The following TMEM132D variants were observed in gnomAD, a reference collection of about 807,000 sequenced individuals.
TMEM132D encodes the protein mature OL transmembrane protein.
Under a neutral mutation model 62.3 loss-of-function variants are expected in TMEM132D, and 21 were observed. The observed-to-expected ratio is 0.34, with a 90% CI of 0.24 to 0.49. TMEM132D has a LOEUF of 0.49. Among genes scored for constraint, TMEM132D ranks in the 20% least tolerant of loss-of-function variants. The pLI is 0.99. For synonymous variants in TMEM132D, 621 were observed against 575.6 expected, an observed-to-expected ratio of 1.08 and a Z score of -1.13; for missense variants, 1,346 against 1,402.8, an observed-to-expected ratio of 0.96 and a Z score of 0.65.
intron 1 of TMEM132D, among the ~76,000 whole-genome samples, chr12:129,707,826 G>A (rs1163435893): frequency 1.3e-5 from 2 of 152,134 alleles, no homozygotes; most frequent in Non-Finnish European, 2.9e-5. Context: ...GAGCCAGATC[G>A]CTATCCTCAT....
At chr12:129,430,410 G>A (rs755406559) in intron 3 of TMEM132D, among the ~76,000 whole-genome samples, 10 of 152,186 alleles carry the variant, frequency 6.6e-5, no homozygotes, top group East Asian at 1.9e-4. Context: ...CATATCCTTC[G>A]CCCACTTTTT....
chr12:129,897,562 A>C (rs906408217), intron 1 of TMEM132D, among the ~76,000 whole-genome samples: 8 of 152,100 alleles, frequency 5.3e-5, no homozygotes, highest in Non-Finnish European at 1.0e-4. Flanking sequence ...GGGAGGAGGA[A>C]AATAAAAATA....
At chr12:129,511,808 C>G (rs1231808823) in intron 3 of TMEM132D, among the ~76,000 whole-genome samples, 1 of 152,124 alleles carries the variant, frequency 6.6e-6, no homozygotes, top group Non-Finnish European at 1.5e-5. Context: ...ATATTGTTTT[C>G]ACTTTTATCA....
chr12:129,357,338 A>AAAAG (rs1870100733), intron 3 of TMEM132D, among the ~76,000 whole-genome samples: 1 of 150,694 alleles, frequency 6.6e-6, no homozygotes, highest in Non-Finnish European at 1.5e-5. Flanking sequence ...AAAGAAAAAG[A>AAAAG]AAAGAAAGAA....
intron 1 of TMEM132D, among the ~76,000 whole-genome samples, chr12:129,805,144 C>A (rs1871937285): frequency 6.6e-6 from 1 of 151,208 alleles, no homozygotes; most frequent in Non-Finnish European, 1.5e-5. Flanking sequence ...TCAATGTCAT[C>A]CCCATCAAGC....
chr12:129,658,023 C>G (rs1354241994), intron 2 of TMEM132D, among the ~76,000 whole-genome samples: 1 of 152,158 alleles, frequency 6.6e-6, no homozygotes, highest in Non-Finnish European at 1.5e-5. Flanking sequence ...GACAGATGAG[C>G]ATTGAAATCA....
intron 7 of TMEM132D, among the ~76,000 whole-genome samples, chr12:129,080,883 A>C (rs1397034039): frequency 6.6e-6 from 1 of 152,184 alleles, no homozygotes; most frequent in East Asian, 1.9e-4. Context: ...TCAAAACCCA[A>C]GTGTTGCCAC....
chr12:129,565,976 G>A (rs1873726), intron 2 of TMEM132D, among the ~76,000 whole-genome samples: 37,187 of 152,148 alleles, frequency 0.24, 5,892 homozygotes, highest in Non-Finnish European at 0.35. Context: ...TCAAATGCAC[G>A]TCTTTTTACT....
intron 1 of TMEM132D, among the ~76,000 whole-genome samples, chr12:129,712,868 G>A (rs79777418): frequency 0.016 from 2,368 of 152,222 alleles, 72 homozygotes; most frequent in African/African-American, 0.052. Flanking sequence ...CTCAGACTTT[G>A]AGGAGGGAGG....
At chr12:129,315,611 T>C (rs1299745878) in intron 4 of TMEM132D, among the ~76,000 whole-genome samples, 1 of 152,214 alleles carries the variant, frequency 6.6e-6, no homozygotes, top group African/African-American at 2.4e-5. Flanking sequence ...TTTTCTTTTT[T>C]GGTTATGTCC....
chr12:129,497,191 C>A (rs1306287458), intron 3 of TMEM132D, among the ~76,000 whole-genome samples: 2 of 152,106 alleles, frequency 1.3e-5, no homozygotes, highest in Non-Finnish European at 2.9e-5. Context: ...TCCTATAATC[C>A]CAGCTACTTG....
chr12:129,081,039 A>G (rs1313044472), intron 7 of TMEM132D, among the ~76,000 whole-genome samples: 2 of 152,134 alleles, frequency 1.3e-5, no homozygotes, highest in Non-Finnish European at 2.9e-5. Context: ...GGCGGCCACA[A>G]TATCCTGAAG....
chr12:129,899,924 T>C (rs1875296437), intron 1 of TMEM132D, among the ~76,000 whole-genome samples: 1 of 150,930 alleles, frequency 6.6e-6, no homozygotes. Context: ...TCCCAAAAAG[T>C]TCCTGACCCC....
chr12:129,760,803 C>G (rs2137274930), intron 1 of TMEM132D, among the ~76,000 whole-genome samples: 1 of 152,188 alleles, frequency 6.6e-6, no homozygotes, highest in South Asian at 2.1e-4. Context: ...CTAATGCTCT[C>G]CATCCCCTTT....
chr12:129,664,578 C>A (rs1044176232), intron 2 of TMEM132D, among the ~76,000 whole-genome samples: 37 of 152,000 alleles, frequency 2.4e-4, no homozygotes, highest in Middle Eastern at 3.4e-3. Flanking sequence ...GCACCCGCCA[C>A]CACGCCCAGC....
chr12:129,578,573 T>C (rs1415752625), intron 2 of TMEM132D, among the ~76,000 whole-genome samples: 1 of 152,076 alleles, frequency 6.6e-6, no homozygotes, highest in East Asian at 1.9e-4. Context: ...AGATTTATTA[T>C]GCAGTATTGG....
intron 2 of TMEM132D, among the ~76,000 whole-genome samples, chr12:129,608,828 A>C (rs935190118): frequency 2.6e-5 from 4 of 152,148 alleles, no homozygotes; most frequent in African/African-American, 9.7e-5. Context: ...AGCGGTTCTC[A>C]AAGTTCACTC....
At chr12:129,264,890 T>G (rs143932000) in intron 4 of TMEM132D, among the ~76,000 whole-genome samples, 10,684 of 152,044 alleles carry the variant, frequency 0.07, 552 homozygotes, top group Admixed American at 0.17. Context: ...ATAAGAATGA[T>G]ACAATGGACT....
chr12:129,389,749 G>C (rs60475407), intron 3 of TMEM132D, among the ~76,000 whole-genome samples: 12,890 of 152,230 alleles, frequency 0.085, 668 homozygotes, highest in African/African-American at 0.14. Flanking sequence ...GGCTAGCTGA[G>C]TATTTACTCA....
Sources: gnomAD v4.1 joint callset for allele counts (sites outside exome capture counted in the v4.1 genomes callset) on GRCh38, gnomAD v4.1.1 for gene constraint, MANE v1.5 for transcripts, NCBI Gene and HGNC (gene_info 2026-07-23, HGNC 2026-07-21) for gene names.